Variants in PLXDC2 observed in about 807,000 individuals in gnomAD.
PLXDC2 encodes plexin domain containing 2.
A neutral mutation model predicts 68.9 loss-of-function variants in PLXDC2; 40 were observed. That is an observed-to-expected ratio of 0.58 (90% confidence interval 0.45 to 0.76). The LOEUF (loss-of-function observed/expected upper bound fraction) is 0.76, where lower values mean the gene tolerates loss of function less well. Ranked by LOEUF, PLXDC2 falls within the 30% of genes least tolerant of loss-of-function variation. The probability of loss-of-function intolerance (pLI) is 0.00; values close to 1 mark genes in which losing one functional copy is unlikely to be tolerated. For synonymous variants in PLXDC2, 243 were observed against 234.2 expected (o/e 1.04, Z -0.34); for missense variants, 644 against 661.9 (o/e 0.97, Z 0.30).
chr10:20,249,203 G>A (rs1453979743), intron 13 of PLXDC2, among the ~76,000 whole-genome samples: 1 of 152,094 alleles, frequency 6.6e-6, no homozygotes, highest in Non-Finnish European at 1.5e-5. Context: ...TCATTCAATA[G>A]CTTTATATTG....
intron 12 of PLXDC2, among the ~76,000 whole-genome samples, chr10:20,220,456 A>C (rs945050971): frequency 6.6e-6 from 1 of 152,130 alleles, no homozygotes; most frequent in Admixed American, 6.6e-5. Context: ...ATGTATATTT[A>C]TTAGATTTTT....
chr10:20,060,189 G>A (rs10827937), intron 3 of PLXDC2, among the ~76,000 whole-genome samples: 117,561 of 151,970 alleles, frequency 0.77, 45,801 homozygotes, highest in East Asian at 0.9. Flanking sequence ...AACATGCCTG[G>A]CTAATTCTTT....
At chr10:20,220,550 A>G (rs1835195894) in intron 12 of PLXDC2, among the ~76,000 whole-genome samples, 1 of 151,578 alleles carries the variant, frequency 6.6e-6, no homozygotes, top group East Asian at 1.9e-4. Flanking sequence ...AAAATATTCT[A>G]TCCTGCTAAT....
chr10:20,233,516 C>T (rs528503690), intron 12 of PLXDC2, among the ~76,000 whole-genome samples: 7 of 152,180 alleles, frequency 4.6e-5, no homozygotes, highest in Non-Finnish European at 8.8e-5. Flanking sequence ...ATCCTCACAG[C>T]ACCCTAAGAA....
chr10:19,875,649 A>G (rs1837617746), intron 1 of PLXDC2, among the ~76,000 whole-genome samples: 1 of 152,242 alleles, frequency 6.6e-6, no homozygotes, highest in Non-Finnish European at 1.5e-5. Context: ...GCTCAGCTGA[A>G]CATAAATAGG....
intron 1 of PLXDC2, among the ~76,000 whole-genome samples, chr10:19,909,040 A>C (rs771096978): frequency 2.0e-5 from 3 of 152,136 alleles, no homozygotes; most frequent in Non-Finnish European, 4.4e-5. Flanking sequence ...GTTTCCTATG[A>C]TGTGTGTTCA....
At chr10:19,867,657 G>T (rs1837446933) in intron 1 of PLXDC2, among the ~76,000 whole-genome samples, 1 of 152,036 alleles carries the variant, frequency 6.6e-6, no homozygotes. Flanking sequence ...GGAGGCGTGT[G>T]GCAGGCTTCT....
chr10:19,905,260 T>C lies in PLXDC2; in HGVS notation c.112+88069T>C, dbSNP rs59631778. On this transcript the variant is annotated intron_variant, in intron 1 of 13. Coordinates refer to ENST00000377252, the MANE Select transcript of PLXDC2 (RefSeq NM_032812.9). Reference sequence around the variant, plus strand: ...ATTTTGGCATAGCCATAGCCATGAATCCAAAACGATAGTCAGTGGACATAA... The same window carrying C: ...ATTTTGGCATAGCCATAGCCATGAACCCAAAACGATAGTCAGTGGACATAA... Among the ~76,000 whole-genome samples, 1,107 of 152,298 alleles carry C rather than the reference T, an allele frequency of 7.3e-3. 20 individuals carry two copies. Among genetic ancestry groups the C allele is most frequent in the African/African-American group, 0.025 (1,047 of 41,556 alleles).
intron 1 of PLXDC2, among the ~76,000 whole-genome samples, chr10:19,892,229 T>A (rs924616431): frequency 1.3e-5 from 2 of 152,202 alleles, no homozygotes; most frequent in African/African-American, 4.8e-5. Flanking sequence ...CTTAGTGAAT[T>A]CTTACAACCA....
At chr10:20,091,355 A>G (rs1041795212) in intron 4 of PLXDC2, among the ~76,000 whole-genome samples, 3 of 152,210 alleles carry the variant, frequency 2.0e-5, no homozygotes, top group Non-Finnish European at 4.4e-5. Context: ...GTATCCAACA[A>G]TGACCAAGTC....
intron 1 of PLXDC2, among the ~76,000 whole-genome samples, chr10:19,997,739 G>A (rs1292605473): frequency 3.3e-5 from 5 of 152,140 alleles, no homozygotes; most frequent in Non-Finnish European, 5.9e-5. Flanking sequence ...AGAATAATAT[G>A]AGAATATATA....
chr10:20,217,640 A>G, intron 11 of PLXDC2, 64 bp downstream of exon 11: 1 of 1,459,930 alleles, frequency 6.8e-7, no homozygotes, highest in South Asian at 1.4e-5. Context: ...AAGGAAGGAA[A>G]AATCACTGTG....
At chr10:20,153,944 A>G (rs577691908) in intron 6 of PLXDC2, among the ~76,000 whole-genome samples, 30 of 152,112 alleles carry the variant, frequency 2.0e-4, no homozygotes, top group African/African-American at 5.6e-4. Flanking sequence ...CTAATATATC[A>G]TATCATAGCA....
At chr10:20,159,898 C>T (rs533296496) in intron 6 of PLXDC2, among the ~76,000 whole-genome samples, 30 of 152,256 alleles carry the variant, frequency 2.0e-4, no homozygotes, top group African/African-American at 7.0e-4. Flanking sequence ...AGAGCTTCTG[C>T]GACTCTCTTC....
intron 1 of PLXDC2, among the ~76,000 whole-genome samples, chr10:19,980,149 G>A (rs1834528296): frequency 6.6e-6 from 1 of 151,942 alleles, no homozygotes; most frequent in Admixed American, 6.6e-5. Context: ...TCTATTTGAT[G>A]GTGTGACTGC....
At position 20,109,726 on chromosome 10, in the gene PLXDC2, T is replaced by A. The variant is rs550269547; in HGVS notation, c.542-33569T>A. Among the ~76,000 whole-genome samples, 6 of 152,302 alleles carry A rather than the reference T, an allele frequency of 3.9e-5. No homozygotes were observed. The East Asian group carries it at 1.2e-3, about 29-fold the overall frequency. On this transcript the variant is annotated intron_variant, in intron 4 of 13. Transcript: ENST00000377252. The stretch of plus-strand genomic sequence containing the variant: ...TTTAACTACTATAATTAGAAAACGA[T>A]CCCCATTGCAATGAATCTTTAGAAC...
At chr10:20,116,147 G>A (rs1372106738) in intron 4 of PLXDC2, among the ~76,000 whole-genome samples, 1 of 152,200 alleles carries the variant, frequency 6.6e-6, no homozygotes, top group African/African-American at 2.4e-5. Context: ...CCTTCCTGCA[G>A]TCCCCTTTCA....
chr10:19,835,688 C>A (rs745511461), intron 1 of PLXDC2, among the ~76,000 whole-genome samples: 6 of 152,030 alleles, frequency 3.9e-5, no homozygotes, highest in Non-Finnish European at 7.4e-5. Flanking sequence ...GGCCCCCAGG[C>A]GGGAGATATA....
chr10:19,963,542 A>G (rs996023367), intron 1 of PLXDC2, among the ~76,000 whole-genome samples: 3 of 152,208 alleles, frequency 2.0e-5, no homozygotes, highest in Non-Finnish European at 2.9e-5. Context: ...TTGTAGGGGC[A>G]TGGATGAAAC....
Sources: allele counts gnomAD v4.1 joint callset (sites outside exome capture counted in the v4.1 genomes callset), GRCh38; gene constraint gnomAD v4.1.1; transcripts MANE v1.5; gene names NCBI Gene and HGNC (gene_info 2026-07-23, HGNC 2026-07-21).